EYS: variants seen among roughly 807,000 people sequenced by gnomAD.
EYS encodes protein eyes shut homolog.
In EYS, 250 loss-of-function variants were observed where a neutral mutation model predicts 282.1. That is an observed-to-expected ratio of 0.89 (90% confidence interval 0.80 to 0.98). EYS has a LOEUF of 0.98. Among genes scored for constraint, EYS ranks in the 50% least tolerant of loss-of-function variants. The pLI, the probability that EYS is intolerant of heterozygous loss-of-function variation, is 0.00. For synonymous variants in EYS, 1,355 were observed against 1,282.9 expected, an observed-to-expected ratio of 1.06 and a Z score of -1.20; for missense variants, 4,016 against 3,709.0, an observed-to-expected ratio of 1.08 and a Z score of -2.15.
rs577230511 is a variant in EYS, at chr6:64,336,141, C to T, written c.6079-29059G>A. 3.3e-5 allele frequency among the ~76,000 whole-genome samples: 5 copies of T among 152,096 alleles called. No homozygotes were observed. The South Asian group carries it at 8.3e-4, about 25-fold the overall frequency. On this transcript the variant is annotated intron_variant, in intron 29 of 42. Transcript: ENST00000503581. ...TGCAAAGGTACCTCACATCTCAATACTAACATTGAATGTAAATGGCCTAAA... is the reference window on the plus strand; with the variant it reads ...TGCAAAGGTACCTCACATCTCAATATTAACATTGAATGTAAATGGCCTAAA...
intron 21 of EYS, among the ~76,000 whole-genome samples, chr6:64,819,325 C>A (rs1209691070): frequency 2.0e-5 from 3 of 151,998 alleles, no homozygotes; most frequent in Non-Finnish European, 4.4e-5. Flanking sequence ...ATAGAGTACA[C>A]TTAATGTATT....
At chr6:64,487,261 T>C (rs1287150166) in intron 26 of EYS, among the ~76,000 whole-genome samples, 1 of 151,162 alleles carries the variant, frequency 6.6e-6, no homozygotes, top group East Asian at 1.9e-4. Flanking sequence ...ATATGACAGT[T>C]TATTATTGCC....
intron 12 of EYS, among the ~76,000 whole-genome samples, chr6:65,079,811 C>A (rs1774175031): frequency 6.6e-6 from 1 of 152,064 alleles, no homozygotes; most frequent in South Asian, 2.1e-4. Flanking sequence ...ACTTACCCCA[C>A]CTCCCTTATT....
At chr6:65,590,818 T>C (rs905114217) in intron 2 of EYS, among the ~76,000 whole-genome samples, 2 of 152,064 alleles carry the variant, frequency 1.3e-5, no homozygotes, top group African/African-American at 4.8e-5. Flanking sequence ...ATGTTTTTTT[T>C]TTATGGCTGC....
intron 22 of EYS, among the ~76,000 whole-genome samples, chr6:64,661,309 T>C (rs1583011104): frequency 6.6e-6 from 1 of 152,060 alleles, no homozygotes; most frequent in Non-Finnish European, 1.5e-5. Context: ...GGCAATACCA[T>C]TCAGGACATA....
At chr6:64,001,844 A>G (rs1036135214) in intron 33 of EYS, among the ~76,000 whole-genome samples, 1 of 152,246 alleles carries the variant, frequency 6.6e-6, no homozygotes, top group African/African-American at 2.4e-5. Flanking sequence ...AACAGTGGCT[A>G]TCTCTGTATC....
intron 26 of EYS, among the ~76,000 whole-genome samples, chr6:64,572,838 C>A (rs372487894): frequency 6.6e-6 from 1 of 152,050 alleles, no homozygotes; most frequent in South Asian, 2.1e-4. Flanking sequence ...TGAAAATGGC[C>A]ATAATGCCCA....
At chr6:64,998,468 A>T (rs1447998238) in intron 13 of EYS, among the ~76,000 whole-genome samples, 1 of 152,222 alleles carries the variant, frequency 6.6e-6, no homozygotes, top group Non-Finnish European at 1.5e-5. Flanking sequence ...TTCAGTGGCA[A>T]CAGCATTTTT....
chr6:65,228,318 T>G (rs1051078389), intron 12 of EYS, among the ~76,000 whole-genome samples: 3 of 152,010 alleles, frequency 2.0e-5, no homozygotes, highest in African/African-American at 7.2e-5. Context: ...ACTAAATCTA[T>G]TAAAAATACT....
At chr6:63,904,026 G>A (rs146751101) in intron 35 of EYS, among the ~76,000 whole-genome samples, 74 of 152,274 alleles carry the variant, frequency 4.9e-4, no homozygotes, top group Non-Finnish European at 8.5e-4. Flanking sequence ...GATAACTAGC[G>A]TTGCTCCAGT....
chr6:63,886,617 C>T (rs1212426181), intron 35 of EYS, among the ~76,000 whole-genome samples: 1 of 152,124 alleles, frequency 6.6e-6, no homozygotes, highest in Non-Finnish European at 1.5e-5. Context: ...AAGTTAGTTT[C>T]TGCTTTGAAT....
intron 26 of EYS, among the ~76,000 whole-genome samples, chr6:64,585,338 A>T (rs1766202335): frequency 6.6e-6 from 1 of 152,106 alleles, no homozygotes; most frequent in South Asian, 2.1e-4. Context: ...GGGAGCAGGT[A>T]GGGGTTGAAA....
At chr6:64,837,318 A>C (rs935140283) in intron 19 of EYS, among the ~76,000 whole-genome samples, 1 of 151,532 alleles carries the variant, frequency 6.6e-6, no homozygotes, top group Admixed American at 6.6e-5. Flanking sequence ...TAGGCATAGA[A>C]GAAACACACT....
intron 1 of EYS, among the ~76,000 whole-genome samples, chr6:65,688,929 C>T (rs1769133027): frequency 6.6e-6 from 1 of 151,456 alleles, no homozygotes; most frequent in African/African-American, 2.4e-5. Context: ...GTTGGTGGGA[C>T]TGTAAACTAG....
At chr6:65,367,703 C>A (rs964205957) in intron 8 of EYS, among the ~76,000 whole-genome samples, 19 of 151,654 alleles carry the variant, frequency 1.3e-4, no homozygotes, top group African/African-American at 4.3e-4. Flanking sequence ...GCATAAAAAT[C>A]AAATATAAAA....
chr6:64,600,371 A>G lies in EYS; in HGVS notation c.3685-7062T>C, dbSNP rs564151319. On this transcript the variant is annotated intron_variant, in intron 24 of 42. Coordinates refer to ENST00000503581, the MANE Select transcript of EYS (RefSeq NM_001142800.2). ...TTGATTGGGAGACAAAAGGCAAAGT[A>G]GGTGGCAACCAGAAAGTGAGAATAA... Among the ~76,000 whole-genome samples, 8 of 152,224 alleles carry G rather than the reference A, an allele frequency of 5.3e-5. No individual in the cohort carries two copies. In the East Asian group the frequency reaches 1.3e-3, roughly 26 times the overall value.
intron 22 of EYS, among the ~76,000 whole-genome samples, chr6:64,731,278 T>C (rs931063300): frequency 6.6e-6 from 1 of 151,994 alleles, no homozygotes; most frequent in Non-Finnish European, 1.5e-5. Context: ...AGTTGACATA[T>C]GGGATCTAAT....
chr6:63,955,433 A>T (rs987293286), intron 35 of EYS, among the ~76,000 whole-genome samples: 1 of 152,154 alleles, frequency 6.6e-6, no homozygotes, highest in African/African-American at 2.4e-5. Flanking sequence ...TTTCACCCTG[A>T]TGAAGTCCTA....
At chr6:63,991,936 T>C (rs1377231260) in intron 34 of EYS, among the ~76,000 whole-genome samples, 5 of 151,758 alleles carry the variant, frequency 3.3e-5, no homozygotes, top group Non-Finnish European at 7.4e-5. Context: ...AGGGGTGATA[T>C]ATTTAAAGTG....
Sources: gnomAD v4.1 joint callset for allele counts (sites outside exome capture counted in the v4.1 genomes callset) on GRCh38, gnomAD v4.1.1 for gene constraint, MANE v1.5 for transcripts, NCBI Gene and HGNC (gene_info 2026-07-23, HGNC 2026-07-21) for gene names.